The following GC variants were observed in gnomAD, a reference collection of about 807,000 sequenced individuals.
GC encodes GC vitamin D binding protein.
Under a neutral mutation model 56.7 loss-of-function variants are expected in GC, and 43 were observed. The ratio of observed to expected loss-of-function variants is 0.76; its 90% CI spans 0.59 to 0.98. The LOEUF (loss-of-function observed/expected upper bound fraction) is 0.98, where lower values mean the gene tolerates loss of function less well. Ranked by LOEUF, GC falls within the 50% of genes least tolerant of loss-of-function variation. GC has a pLI of 0.00. For missense variants in GC, 529 were observed against 545.9 expected (o/e 0.97, Z 0.31); for synonymous variants, 216 against 202.7 (o/e 1.07, Z -0.56).
chr4:71,754,965 C>T lies in GC; in HGVS notation c.1164+13G>A. ...GATCTATGTGCTTGATAAAGAAAAT[C>T]CAACAAATATACCTTAGCATTAAAA... On this transcript the variant is annotated intron_variant, in intron 9 of 12. Coordinates refer to ENST00000273951, the MANE Select transcript of GC (RefSeq NM_000583.4). The T allele has an allele frequency of 1.9e-6, 3 of 1,545,644 alleles. No homozygotes were observed. The highest frequency in any genetic ancestry group is 2.6e-6 in the Non-Finnish European group (3 of 1,150,224).
At chr4:71,755,177 T>TA (rs1553947385) in intron 8 of GC, 70 bp from the exon 9 acceptor site, 69 of 777,022 alleles carry the variant, frequency 8.9e-5, no homozygotes, top group South Asian at 1.9e-4. Flanking sequence ...TTTATTTATT[T>TA]TTTGTGACAG....
intron 4 of GC, among the ~76,000 whole-genome samples, chr4:71,764,634 T>A (rs1054978579): frequency 6.6e-6 from 1 of 152,170 alleles, no homozygotes; most frequent in Non-Finnish European, 1.5e-5. Context: ...TATGTATAGA[T>A]TACTTATTTT....
chr4:71,790,378 T>C (rs1742938592), intron 1 of GC, among the ~76,000 whole-genome samples: 1 of 152,056 alleles, frequency 6.6e-6, no homozygotes, highest in Admixed American at 6.6e-5. Flanking sequence ...TCAATCTAGC[T>C]GTGCCTTTGG....
chr4:71,801,198 T>TACACAA, intron 1 of GC, among the ~76,000 whole-genome samples: 1 of 152,274 alleles, frequency 6.6e-6, no homozygotes, highest in East Asian at 1.9e-4. Flanking sequence ...CTAGGGAAGA[T>TACACAA]ACACAAATCC....
intron 1 of GC, among the ~76,000 whole-genome samples, chr4:71,799,586 C>T (rs1743199340): frequency 6.6e-6 from 1 of 152,150 alleles, no homozygotes; most frequent in Admixed American, 6.5e-5. Context: ...CTGATGGCTT[C>T]CCCCTCCACT....
At chr4:71,798,432 T>C (rs539261570) in intron 1 of GC, among the ~76,000 whole-genome samples, 1 of 152,322 alleles carries the variant, frequency 6.6e-6, no homozygotes, top group East Asian at 1.9e-4. Flanking sequence ...GTTAAAGATA[T>C]ATTACAAAGA....
At chr4:71,773,686 C>T (rs916101573) in intron 1 of GC, among the ~76,000 whole-genome samples, 8 of 151,994 alleles carry the variant, frequency 5.3e-5, no homozygotes, top group African/African-American at 1.9e-4. Context: ...ATACCAAGTA[C>T]ATTAATGGAT....
chr4:71,778,991 A>G (rs1250206501), intron 1 of GC, among the ~76,000 whole-genome samples: 5 of 150,990 alleles, frequency 3.3e-5, no homozygotes, highest in African/African-American at 1.2e-4. Context: ...ACCTATTTAT[A>G]CACACACACA....
At chr4:71,758,604 G>A (rs763223557) in intron 6 of GC, among the ~76,000 whole-genome samples, 6 of 152,082 alleles carry the variant, frequency 3.9e-5, no homozygotes, top group Non-Finnish European at 8.8e-5. Flanking sequence ...GTTAACAAAT[G>A]TTCACATTTT....
intron 1 of GC, among the ~76,000 whole-genome samples, chr4:71,791,174 A>G (rs1430802186): frequency 1.3e-5 from 2 of 152,096 alleles, no homozygotes; most frequent in Non-Finnish European, 2.9e-5. Flanking sequence ...AGCTTACAAC[A>G]GTATATCATT....
chr4:71,752,077 C>G (rs567535944), intron 11 of GC, among the ~76,000 whole-genome samples: 2 of 151,954 alleles, frequency 1.3e-5, no homozygotes, highest in Non-Finnish European at 2.9e-5. Context: ...CCTATATATG[C>G]ATATGTATGT....
chr4:71,775,035 T>TCC lies in GC; in HGVS notation c.59-5636_59-5635insGG, dbSNP rs1441207254. On this transcript the variant is annotated intron_variant, in intron 1 of 12. Transcript: ENST00000273951. ...TTCTTCATTTTCTTCCCCGGCCCTT[T>TCC]TTTTTTTTTTTTTTAAATGAAAAAG... 3.0e-3 allele frequency among the ~76,000 whole-genome samples: 427 copies of TCC among 143,052 alleles called. 3 individuals carry two copies. Among genetic ancestry groups the TCC allele is most frequent in the Non-Finnish European group, 4.7e-3 (309 of 65,116 alleles). The allele number at this position is 143,052 out of a possible 152,430, so 93.8% of individuals were successfully genotyped here.
At chr4:71,801,475 G>C (rs1743246962) in intron 1 of GC, among the ~76,000 whole-genome samples, 1 of 152,070 alleles carries the variant, frequency 6.6e-6, no homozygotes, top group Non-Finnish European at 1.5e-5. Flanking sequence ...ATTCCAGCTT[G>C]GTACACTGAG....
intron 1 of GC, among the ~76,000 whole-genome samples, chr4:71,792,015 A>C (rs1364802195): frequency 1.3e-5 from 2 of 152,156 alleles, no homozygotes; most frequent in Non-Finnish European, 2.9e-5. Context: ...TTATGGCTGC[A>C]TAGTATTCCA....
upstream of GC, among the ~76,000 whole-genome samples, chr4:71,804,748 T>G (rs1048682594): frequency 6.6e-6 from 1 of 152,112 alleles, no homozygotes; most frequent in African/African-American, 2.4e-5. Context: ...TTGTTCGTCT[T>G]GCATCACTGG....
At chr4:71,771,099 C>G (rs1439714678) in intron 1 of GC, among the ~76,000 whole-genome samples, 1 of 152,154 alleles carries the variant, frequency 6.6e-6, no homozygotes, top group African/African-American at 2.4e-5. Context: ...ATTGCTTACT[C>G]TGTTTTAAGT....
rs1218474704 is a variant in GC, at chr4:71,754,718, G to A, written c.1165-210C>T. Among the ~76,000 whole-genome samples the A allele has an allele frequency of 3.9e-5, 6 of 152,338 alleles. No homozygotes were observed. The East Asian group carries it at 9.6e-4, about 24-fold the overall frequency. On this transcript the variant is annotated intron_variant, in intron 9 of 12. Coordinates refer to ENST00000273951, the MANE Select transcript of GC (RefSeq NM_000583.4). The stretch of plus-strand genomic sequence containing the variant: ...TACAGAAGCAGTTGTAAGCTTTGCA[G>A]AAACAATGAGGATGATTGTGTCCCA...
chr4:71,787,229 G>C (rs1560711766), upstream of GC, among the ~76,000 whole-genome samples: 1 of 151,720 alleles, frequency 6.6e-6, no homozygotes, highest in Non-Finnish European at 1.5e-5. Context: ...AAATGACTTA[G>C]GCCAATGCCT....
At chr4:71,776,115 T>C (rs555908744) in intron 1 of GC, among the ~76,000 whole-genome samples, 51 of 152,036 alleles carry the variant, frequency 3.4e-4, no homozygotes, top group African/African-American at 1.2e-3. Context: ...AAACTAAAAA[T>C]AGAACTACCA....
Sources: allele counts gnomAD v4.1 joint callset (sites outside exome capture counted in the v4.1 genomes callset), GRCh38; gene constraint gnomAD v4.1.1; transcripts MANE v1.5; gene names NCBI Gene and HGNC (gene_info 2026-07-23, HGNC 2026-07-21).